CRYBG3: variants seen among roughly 807,000 people sequenced by gnomAD.
The protein encoded by CRYBG3 is very large A-kinase anchor protein.
Under a neutral mutation model 244.2 loss-of-function variants are expected in CRYBG3, and 127 were observed. That is an observed-to-expected ratio of 0.52 (90% CI 0.45 to 0.60). The LOEUF is 0.60. Among genes scored for constraint, CRYBG3 ranks in the 20% least tolerant of loss-of-function variants. CRYBG3 has a pLI of 0.00. For missense variants in CRYBG3, 3,325 were observed against 3,442.5 expected, an observed-to-expected ratio of 0.97 and a Z score of 0.85; for synonymous variants, 1,132 against 1,195.8, an observed-to-expected ratio of 0.95 and a Z score of 1.10.
chr3:97,836,667 A>G (rs538230004), intron 1 of CRYBG3, among the ~76,000 whole-genome samples: 2 of 152,284 alleles, frequency 1.3e-5, no homozygotes, highest in African/African-American at 4.8e-5. Flanking sequence ...TGGCTTGAGC[A>G]GACCCTTTGG....
intron 17 of CRYBG3, among the ~76,000 whole-genome samples, chr3:97,916,847 G>C (rs1282767699): frequency 6.6e-6 from 1 of 152,030 alleles, no homozygotes; most frequent in Non-Finnish European, 1.5e-5. Context: ...GAAAGAATAA[G>C]TGGCTACTAA....
In CRYBG3 at chr3:97,872,149, A is replaced by G. The variant is rs959777095; in HGVS notation, c.955A>G (p.Asn319Asp). 6.5e-6 allele frequency: 10 copies of G among 1,535,916 alleles called. No individual in the cohort carries two copies. The highest frequency in any genetic ancestry group is 4.8e-5 in the South Asian group (4 of 84,064). The change falls in exon 4 of 22, where the codon AAT becomes GAT. Residue 319 changes from asparagine (N) to aspartate (D), a missense_variant. Transcript: ENST00000389622. Reference sequence around the variant, plus strand: ...TTTCAACAAGGAAAATTCTTTGACAAATAACCCAGAACTGCAGAATATTGC... The same window carrying G: ...TTTCAACAAGGAAAATTCTTTGACAGATAACCCAGAACTGCAGAATATTGC... ...TSFNKENSLT[N>D]NPELQNIASS...
intron 3 of CRYBG3, among the ~76,000 whole-genome samples, chr3:97,869,895 GT>G (rs1446714080): frequency 1.3e-5 from 2 of 152,134 alleles, no homozygotes; most frequent in Non-Finnish European, 2.9e-5. Context: ...AGTTGGTGAA[GT>G]TTTTACATGT....
At position 97,935,878 on chromosome 3, in the gene CRYBG3, AG is replaced by A. The variant is rs528237452; in HGVS notation, c.8382-905del. Among the ~76,000 whole-genome samples the A allele has an allele frequency of 2.6e-5, 4 of 152,138 alleles. No individual in the cohort carries two copies. In the South Asian group the frequency reaches 8.3e-4, roughly 32 times the overall value. Reference sequence around the variant, plus strand: ...CCAGGACAACCCCTGCCACAATTCCAGGTGCTTTATCAAAATAAAGCAAGGC... The same window carrying A: ...CCAGGACAACCCCTGCCACAATTCCAGTGCTTTATCAAAATAAAGCAAGGC... On this transcript the variant is annotated intron_variant, in intron 18 of 21. Coordinates refer to ENST00000389622, the MANE Select transcript of CRYBG3 (RefSeq NM_153605.4).
intron 2 of CRYBG3, among the ~76,000 whole-genome samples, chr3:97,845,008 C>T (rs1245436443): frequency 6.6e-6 from 1 of 152,132 alleles, no homozygotes; most frequent in East Asian, 1.9e-4. Flanking sequence ...CATTTTGGCT[C>T]ATGTAACTTT....
At chr3:97,912,502 T>C (rs1473753247) in intron 16 of CRYBG3, among the ~76,000 whole-genome samples, 2 of 152,224 alleles carry the variant, frequency 1.3e-5, no homozygotes, top group Non-Finnish European at 2.9e-5. Flanking sequence ...ATTTTGATTT[T>C]TGTCTCTCAC....
chr3:97,915,478 T>G (rs1160754701), intron 16 of CRYBG3, 132 bp from the exon 17 acceptor site: 30 of 843,382 alleles, frequency 3.6e-5, no homozygotes, highest in Non-Finnish European at 4.7e-5. Context: ...TTTTGTTTTT[T>G]TAAAGCTGGT....
chr3:97,936,847 T>A lies in CRYBG3; in HGVS notation c.8444T>A (p.Ile2815Asn), dbSNP rs1301382639. 6.2e-7 allele frequency: 1 copy of A among 1,613,016 alleles called. No homozygotes were observed. The highest frequency in any genetic ancestry group is 1.7e-5 in the Admixed American group (1 of 59,878). The change falls in exon 19 of 22, where the codon ATC becomes AAC. Residue 2815 changes from isoleucine (I) to asparagine (N), a missense_variant. Coordinates refer to ENST00000389622, the MANE Select transcript of CRYBG3 (RefSeq NM_153605.4). ...CAAATCCTACTCAGGCCTAATGAGA[T>A]CCCAAACTGGACAGCATTCAGCAGA... ...GRQILLRPNE[I>N]PNWTAFSRWK...
intron 12 of CRYBG3, among the ~76,000 whole-genome samples, chr3:97,896,588 G>T (rs981658702): frequency 1.3e-5 from 2 of 152,204 alleles, no homozygotes; most frequent in Non-Finnish European, 2.9e-5. Context: ...AAGGAAAAAG[G>T]TAGGTGCCTG....
intron 12 of CRYBG3, among the ~76,000 whole-genome samples, chr3:97,898,077 G>A (rs1241642786): frequency 6.6e-6 from 1 of 151,708 alleles, no homozygotes; most frequent in African/African-American, 2.4e-5. Context: ...AAAATTAGCC[G>A]GGCATGGTGG....
At chr3:97,841,183 C>T (rs986302239) in intron 1 of CRYBG3, among the ~76,000 whole-genome samples, 2 of 145,586 alleles carry the variant, frequency 1.4e-5, no homozygotes, top group Non-Finnish European at 3.0e-5. Context: ...ACACACAGCT[C>T]ATATATGTGT....
At chr3:97,888,271 C>A in intron 8 of CRYBG3, 70 bp from the exon 9 acceptor site, 2 of 889,096 alleles carry the variant, frequency 2.2e-6, no homozygotes, top group Admixed American at 2.5e-5. Flanking sequence ...ATTTTGGTAG[C>A]CCTTTTTACT....
intron 1 of CRYBG3, among the ~76,000 whole-genome samples, chr3:97,822,936 C>G (rs2038526222): frequency 6.6e-6 from 1 of 152,200 alleles, no homozygotes. Flanking sequence ...AATGCGTTCC[C>G]AAGACTTTCA....
At position 97,864,247 on chromosome 3, in the gene CRYBG3, G is replaced by A. The variant is rs2039192521; in HGVS notation, c.247G>A (p.Ala83Thr). The change falls in exon 3 of 22, where the codon GCT (alanine) becomes ACT (threonine). Residue 83 changes from alanine (A) to threonine (T), a missense_variant. Around this residue, in one of 4 missense-constraint regions of CRYBG3, gnomAD observed 1,526 missense variants for 1,443.2 expected, o/e 1.06. Coordinates refer to ENST00000389622, the MANE Select transcript of CRYBG3 (RefSeq NM_153605.4). ...CCAAAGTGAGGACAAAAGGAACCAT[G>A]CTGAGAAGCCAGTCACTCTTCCAGT... ...IRQSEDKRNH[A>T]EKPVTLPVQE... 3 of 1,518,676 alleles carry A rather than the reference G, an allele frequency of 2.0e-6. No individual in the cohort carries two copies. Among genetic ancestry groups the A allele is most frequent in the Non-Finnish European group, 1.8e-6 (2 of 1,141,106 alleles). The allele number at this position is 1,518,676 out of a possible 1,614,324, so 94.1% of individuals were successfully genotyped here. A position where few individuals can be genotyped will look rare whatever the true frequency, so the allele number is the denominator to read the frequency against.
chr3:97,904,740 T>G (rs1422002058), intron 15 of CRYBG3, among the ~76,000 whole-genome samples: 1 of 151,420 alleles, frequency 6.6e-6, no homozygotes, highest in East Asian at 1.9e-4. Flanking sequence ...TATAATCTTT[T>G]TTTTATTATT....
chr3:97,893,016 T>G (rs376859090), intron 11 of CRYBG3, 23 bp downstream of exon 11: 4 of 1,583,674 alleles, frequency 2.5e-6, no homozygotes, highest in Non-Finnish European at 3.4e-6. Flanking sequence ...TTTTTAACAT[T>G]TGCACAAGTA....
intron 17 of CRYBG3, among the ~76,000 whole-genome samples, chr3:97,925,785 G>A (rs1375735988): frequency 6.6e-6 from 1 of 151,918 alleles, no homozygotes; most frequent in East Asian, 1.9e-4. Flanking sequence ...AAATTAAAAT[G>A]TAATACTTCT....
chr3:97,895,745 T>A (rs1448581516), intron 11 of CRYBG3, among the ~76,000 whole-genome samples: 1 of 152,216 alleles, frequency 6.6e-6, no homozygotes, highest in Non-Finnish European at 1.5e-5. Context: ...AGTTCTATAA[T>A]TAACCTTTTG....
chr3:97,870,752 A>T (rs1030143976), intron 3 of CRYBG3, among the ~76,000 whole-genome samples: 1 of 152,198 alleles, frequency 6.6e-6, no homozygotes, highest in Non-Finnish European at 1.5e-5. Flanking sequence ...TCATTAATTC[A>T]TGAGAAGGTA....
Sources: allele counts gnomAD v4.1 joint callset (sites outside exome capture counted in the v4.1 genomes callset), GRCh38; gene constraint gnomAD v4.1.1; regional missense constraint gnomAD v4.1.1; transcripts MANE v1.5; gene names NCBI Gene and HGNC (gene_info 2026-07-23, HGNC 2026-07-21).